Variants in AP2B1 observed in about 807,000 individuals in gnomAD.
AP2B1 encodes the protein AP-2 complex subunit beta.
Under a neutral mutation model 102.0 loss-of-function variants are expected in AP2B1, and 23 were observed. The ratio of observed to expected loss-of-function variants is 0.23; its 90% confidence interval spans 0.16 to 0.32. The LOEUF is 0.32. Ranked by LOEUF, AP2B1 falls within the 10% of genes least tolerant of loss-of-function variation. AP2B1 has a pLI of 1.00. For missense variants in AP2B1, 541 were observed against 1,157.4 expected, an observed-to-expected ratio of 0.47 and a Z score of 7.73; for synonymous variants, 381 against 421.2, an observed-to-expected ratio of 0.90 and a Z score of 1.17.
chr17:35,723,643 G>C lies in AP2B1; in HGVS notation c.2800G>C (p.Ala934Pro). ...PNYTLSLKCR[A>P]PEVSQYIYQV... is the part of the protein sequence containing the mutation. ...CTAACAGCTGTCACTGAAGTGTAGA[G>C]CTCCTGAAGTCTCTCAATACATCTA... The change falls in exon 22 of 22, where the codon GCT becomes CCT. Residue 934 changes from alanine to proline, a missense_variant. Coordinates refer to ENST00000610402, the MANE Select transcript of AP2B1 (RefSeq NM_001030006.2). 1 of 1,560,162 alleles carries C rather than the reference G, an allele frequency of 6.4e-7. No homozygotes were observed. The highest frequency in any genetic ancestry group is 8.7e-7 in the Non-Finnish European group (1 of 1,151,436).
intron 13 of AP2B1, among the ~76,000 whole-genome samples, chr17:35,656,910 CAGACTAG>C (rs1204650501): frequency 6.6e-6 from 1 of 151,976 alleles, no homozygotes; most frequent in Non-Finnish European, 1.5e-5. Context: ...ATCAACTCTC[CAGACTAG>C]TTTTCAAAGT....
chr17:35,625,010 A>G (rs1278069129), intron 6 of AP2B1, among the ~76,000 whole-genome samples: 3 of 152,176 alleles, frequency 2.0e-5, no homozygotes, highest in East Asian at 1.9e-4. Context: ...AGCAGAATAT[A>G]TCCTCCTTTC....
chr17:35,597,005 G>C, intron 2 of AP2B1: 2 of 637,310 alleles, frequency 3.1e-6, no homozygotes, highest in East Asian at 7.1e-5. Context: ...GCGCCTGCAC[G>C]GTCCAGCTCG....
At chr17:35,650,949 A>G in intron 13 of AP2B1, 160 bp downstream of exon 13, 1 of 745,152 alleles carries the variant, frequency 1.3e-6, no homozygotes, top group Non-Finnish European at 2.1e-6. Flanking sequence ...TTGGACACCT[A>G]CTACTATACA....
intron 18 of AP2B1, among the ~76,000 whole-genome samples, chr17:35,703,972 T>G (rs2076290888): frequency 6.6e-6 from 1 of 152,182 alleles, no homozygotes; most frequent in Admixed American, 6.5e-5. Flanking sequence ...GAAAATAGTT[T>G]AGAACTTGTC....
At chr17:35,615,555 T>C (rs2142474996) in intron 5 of AP2B1, among the ~76,000 whole-genome samples, 1 of 152,352 alleles carries the variant, frequency 6.6e-6, no homozygotes, top group East Asian at 1.9e-4. Flanking sequence ...GTAGGCTATG[T>C]TAAACTGCCT....
At chr17:35,639,530 G>A in intron 10 of AP2B1, 65 bp from the exon 11 acceptor site, 2 of 1,480,220 alleles carry the variant, frequency 1.4e-6, no homozygotes, top group Non-Finnish European at 1.8e-6. Flanking sequence ...TTTGCCTTTA[G>A]CCTTCACTGT....
In AP2B1 at chr17:35,724,777, G is replaced by T. The variant is rs1180207012; in HGVS notation, c.*1078G>T. On this transcript the variant is annotated 3_prime_UTR_variant, in exon 22 of 22. Transcript: ENST00000610402. Reference sequence around the variant, plus strand: ...TTTCACCACAGGACTGTCTCTTGTCGTTTTCCCCTAATGCCTTCTCCTGCC... The same window carrying T: ...TTTCACCACAGGACTGTCTCTTGTCTTTTTCCCCTAATGCCTTCTCCTGCC... 1 of 152,206 alleles carries T rather than the reference G, an allele frequency of 6.6e-6. No individual in the cohort carries two copies. The highest frequency in any genetic ancestry group is 1.5e-5 in the Non-Finnish European group (1 of 68,052). 9.4% of individuals were successfully genotyped at this position (152,206 alleles called of 1,614,324 possible).
At chr17:35,607,667 T>G (rs1463614420) in intron 4 of AP2B1, among the ~76,000 whole-genome samples, 1 of 152,224 alleles carries the variant, frequency 6.6e-6, no homozygotes, top group African/African-American at 2.4e-5. Flanking sequence ...GACCAGCTCC[T>G]GTGCTCCCCT....
chr17:35,647,387 C>A (rs2074963320), intron 12 of AP2B1, among the ~76,000 whole-genome samples: 1 of 151,664 alleles, frequency 6.6e-6, no homozygotes, highest in Non-Finnish European at 1.5e-5. Context: ...TCCCTCAGTG[C>A]CCCCCCTCCC....
intron 18 of AP2B1, among the ~76,000 whole-genome samples, chr17:35,707,394 G>T (rs918302391): frequency 1.3e-5 from 2 of 151,226 alleles, no homozygotes; most frequent in African/African-American, 4.9e-5. Context: ...CTCGTGATCT[G>T]CCTGCCTTGG....
chr17:35,620,264 T>C (rs1423358412), intron 5 of AP2B1, among the ~76,000 whole-genome samples: 2 of 151,764 alleles, frequency 1.3e-5, no homozygotes, highest in Non-Finnish European at 1.5e-5. Context: ...GAGGACTGCA[T>C]GAGGCCAGGA....
chr17:35,670,507 T>TA (rs2075564596), intron 14 of AP2B1, among the ~76,000 whole-genome samples: 1 of 152,158 alleles, frequency 6.6e-6, no homozygotes, highest in Admixed American at 6.5e-5. Flanking sequence ...ATATTCGAAA[T>TA]ATTGCCGCTT....
At chr17:35,667,017 A>G (rs114698206) in intron 14 of AP2B1, among the ~76,000 whole-genome samples, 2,641 of 152,330 alleles carry the variant, frequency 0.017, 52 homozygotes, top group African/African-American at 0.048. Context: ...TGTCTAGTTC[A>G]GGCTGATATA....
intron 4 of AP2B1, 166 bp from the exon 5 acceptor site, chr17:35,607,976 C>G: frequency 1.3e-6 from 1 of 790,740 alleles, no homozygotes; most frequent in Non-Finnish European, 2.0e-6. Context: ...AATAGGGCAG[C>G]TAAGATTTGT....
At chr17:35,648,613 G>A (rs947945693) in intron 12 of AP2B1, among the ~76,000 whole-genome samples, 1 of 152,100 alleles carries the variant, frequency 6.6e-6, no homozygotes, top group Non-Finnish European at 1.5e-5. Flanking sequence ...CAGTGAAAAT[G>A]TCCCTCAATA....
At chr17:35,698,071 A>G (rs112916233) in intron 18 of AP2B1, among the ~76,000 whole-genome samples, 1,530 of 152,202 alleles carry the variant, frequency 0.01, 20 homozygotes, top group African/African-American at 0.035. Flanking sequence ...CTTTAAATGG[A>G]AAAAAAAGTT....
intron 14 of AP2B1, among the ~76,000 whole-genome samples, chr17:35,665,385 G>T (rs755855376): frequency 6.6e-6 from 1 of 152,030 alleles, no homozygotes; most frequent in Non-Finnish European, 1.5e-5. Context: ...CTCAGCTTCC[G>T]TAAGGGCTGG....
chr17:35,589,835 C>T (rs192595022), intron 1 of AP2B1, among the ~76,000 whole-genome samples: 6 of 152,078 alleles, frequency 3.9e-5, no homozygotes, highest in African/African-American at 1.4e-4. Flanking sequence ...TTTCTCCCCC[C>T]ATAGGAGCAG....
Sources: allele counts gnomAD v4.1 joint callset (sites outside exome capture counted in the v4.1 genomes callset), GRCh38; gene constraint gnomAD v4.1.1; transcripts MANE v1.5; gene names NCBI Gene and HGNC (gene_info 2026-07-23, HGNC 2026-07-21).